Variants in MS4A4A observed in about 807,000 individuals in gnomAD.
The protein encoded by MS4A4A is membrane spanning 4-domains A4A.
MS4A4A carries 26 observed loss-of-function variants against 28.0 expected under a neutral mutation model. The observed-to-expected ratio is 0.93, with a 90% CI of 0.68 to 1.29. MS4A4A has a LOEUF of 1.29. MS4A4A is among the 50% of genes most tolerant of loss of function. The pLI is 0.00. For missense variants in MS4A4A, 290 were observed against 293.1 expected, an observed-to-expected ratio of 0.99 and a Z score of 0.08; for synonymous variants, 86 against 100.8, an observed-to-expected ratio of 0.85 and a Z score of 0.88.
intron 1 of MS4A4A, among the ~76,000 whole-genome samples, chr11:60,286,671 G>A (rs926407195): frequency 1.3e-5 from 2 of 152,162 alleles, no homozygotes; most frequent in African/African-American, 4.8e-5. Flanking sequence ...TTGACTTGAA[G>A]TTTATTTTAC....
intron 2 of MS4A4A, among the ~76,000 whole-genome samples, chr11:60,295,535 A>G (rs554406922): frequency 6.6e-6 from 1 of 152,166 alleles, no homozygotes; most frequent in East Asian, 1.9e-4. Context: ...TGTTGAAAGG[A>G]GTAGTGACAG....
intron 4 of MS4A4A, among the ~76,000 whole-genome samples, chr11:60,302,217 A>T (rs2084958238): frequency 1.3e-5 from 2 of 152,242 alleles, no homozygotes; most frequent in South Asian, 2.1e-4. Context: ...TAGAAAAATG[A>T]TAAGAAATCA....
At chr11:60,307,974 C>A in intron 6 of MS4A4A, 133 bp from the exon 7 acceptor site, 1 of 805,576 alleles carries the variant, frequency 1.2e-6, no homozygotes. Flanking sequence ...TGAGAAACCC[C>A]ACATACTTGA....
intron 1 of MS4A4A, chr11:60,290,295 T>A (rs2084843814): frequency 5.9e-6 from 1 of 169,186 alleles, no homozygotes; most frequent in African/African-American, 2.4e-5. Context: ...ATAAGTATAC[T>A]CTGAAATCTG....
At position 60,308,218 on chromosome 11, in the gene MS4A4A, A is replaced by C; in HGVS notation, c.*40A>C. The C allele has an allele frequency of 6.3e-7, 1 of 1,584,462 alleles. No individual in the cohort carries two copies. The highest frequency in any genetic ancestry group is 8.7e-7 in the Non-Finnish European group (1 of 1,153,478). ...CAACAGACAAATGCTCCAGAAATCT[A>C]TGCTGACTGTGACACAAGAGCCTCA... is the stretch of plus-strand genomic sequence containing the variant. On this transcript the variant is annotated 3_prime_UTR_variant, in exon 7 of 7. Coordinates refer to ENST00000337908, the MANE Select transcript of MS4A4A (RefSeq NM_148975.3).
chr11:60,297,018 T>C, intron 2 of MS4A4A, 179 bp from the exon 3 acceptor site: 1 of 725,638 alleles, frequency 1.4e-6, no homozygotes, highest in Non-Finnish European at 2.2e-6. Flanking sequence ...CGAGAGATAA[T>C]ATTGGTAAGA....
At position 60,292,345 on chromosome 11, in the gene MS4A4A, G is replaced by A. The variant is rs1172567797; in HGVS notation, c.162G>A (p.Leu54=). 1 of 1,606,996 alleles carries A rather than the reference G, an allele frequency of 6.2e-7. No homozygotes were observed. The highest frequency in any genetic ancestry group is 8.5e-7 in the Non-Finnish European group (1 of 1,177,268). ...TACATTCACATCTGTGGAAAGGATTGCAAGAGAAGTTCTTGAAGGGAGAAC... is the reference window on the plus strand; with the variant it reads ...TACATTCACATCTGTGGAAAGGATTACAAGAGAAGTTCTTGAAGGGAGAAC... ...AVIHSHLWKG[L]QEKFLKGEPK... is the part of the protein sequence containing the mutation. The change falls in exon 2 of 7, where the codon TTG becomes TTA. Residue 54 remains leucine (L), a synonymous_variant. Coordinates refer to ENST00000337908, the MANE Select transcript of MS4A4A (RefSeq NM_148975.3).
At chr11:60,306,342 G>C in intron 6 of MS4A4A, 141 bp downstream of exon 6, 1 of 717,514 alleles carries the variant, frequency 1.4e-6, no homozygotes, top group Non-Finnish European at 2.3e-6. Context: ...CCCAGCTGAA[G>C]TATGTCCTTG....
rs759755074 is a variant in MS4A4A at position 60,292,243 on chromosome 11, G to A, written c.60G>A (p.Met20Ile). 6.4e-7 allele frequency: 1 copy of A among 1,559,188 alleles called. No homozygotes were observed. The highest frequency in any genetic ancestry group is 1.7e-4 in the Middle Eastern group (1 of 5,830). ...ATTGTAGCACCTTTTCTGCTGCCAT[G>A]ACAACCATGCAAGGAATGGAACAGG... ...RPEESTFSAAMTTMQGMEQAM... is the reference protein window; with the variant it reads ...RPEESTFSAAITTMQGMEQAM... The change falls in exon 2 of 7, where the codon ATG (methionine) becomes ATA (isoleucine). Residue 20 changes from methionine (M) to isoleucine (I), a missense_variant. Met to Ile is a conservative substitution (Grantham distance 10). Transcript: ENST00000337908.
At chr11:60,300,796 C>G (rs961132155) in intron 3 of MS4A4A, among the ~76,000 whole-genome samples, 1 of 152,014 alleles carries the variant, frequency 6.6e-6, no homozygotes, top group African/African-American at 2.4e-5. Flanking sequence ...ATTTGAAAAA[C>G]TTGATAAATT....
Position 60,308,356 on chromosome 11 carries a change from A to C in MS4A4A, c.*178A>C, listed in dbSNP as rs1340618980. 7 of 533,552 alleles carry C rather than the reference A, an allele frequency of 1.3e-5. No individual in the cohort carries two copies. The highest frequency in any genetic ancestry group is 2.2e-5 in the Non-Finnish European group (7 of 314,374). 33.1% of individuals were successfully genotyped at this position (533,552 alleles called of 1,614,324 possible). On this transcript the variant is annotated 3_prime_UTR_variant, in exon 7 of 7. Coordinates refer to ENST00000337908, the MANE Select transcript of MS4A4A (RefSeq NM_148975.3). Reference sequence around the variant, plus strand: ...ATAGAGAGATAATAAATTCAAAATTATGTTCTCATTTTTTTCCCTGGAACT... The same window carrying C: ...ATAGAGAGATAATAAATTCAAAATTCTGTTCTCATTTTTTTCCCTGGAACT...
intron 6 of MS4A4A, among the ~76,000 whole-genome samples, chr11:60,307,876 C>T (rs182018711): frequency 1.4e-4 from 22 of 152,198 alleles, no homozygotes; most frequent in Admixed American, 2.0e-4. Context: ...GATCCACTTG[C>T]GAGACCAGAG....
chr11:60,292,158 C>T (rs2084862544), intron 1 of MS4A4A, 67 bp from the exon 2 acceptor site: 1 of 1,466,452 alleles, frequency 6.8e-7, no homozygotes. Flanking sequence ...GAGGAACCTG[C>T]CCCAAAGTGT....
intron 2 of MS4A4A, 25 bp downstream of exon 2, chr11:60,292,409 C>G (rs761604590): frequency 1.2e-5 from 19 of 1,561,852 alleles, no homozygotes; most frequent in Non-Finnish European, 1.6e-5. Flanking sequence ...TAGGGGAAGA[C>G]CAATGGTGTT....
At chr11:60,286,785 C>G (rs532536860) in intron 1 of MS4A4A, among the ~76,000 whole-genome samples, 1 of 152,322 alleles carries the variant, frequency 6.6e-6, no homozygotes, top group African/African-American at 2.4e-5. Flanking sequence ...AAGTGAGTCT[C>G]TTACAGCATC....
chr11:60,288,010 A>G lies in MS4A4A; in HGVS notation c.42-4215A>G, dbSNP rs79599330. 8.0e-3 allele frequency among the ~76,000 whole-genome samples: 1,223 copies of G among 152,244 alleles called. 18 individuals carry two copies. The highest frequency in any genetic ancestry group is 0.028 in the African/African-American group (1,169 of 41,532). On this transcript the variant is annotated intron_variant, in intron 1 of 6. Transcript: ENST00000337908. ...CTTTGCTGGGCTCAGTCCATGCTTCAGCTCTGTTAGGTTGGCGTTGCATGC... is the reference window on the plus strand; with the variant it reads ...CTTTGCTGGGCTCAGTCCATGCTTCGGCTCTGTTAGGTTGGCGTTGCATGC...
intron 3 of MS4A4A, among the ~76,000 whole-genome samples, chr11:60,299,104 A>G (rs2084928928): frequency 6.6e-6 from 1 of 152,232 alleles, no homozygotes; most frequent in African/African-American, 2.4e-5. Context: ...AAATACACAG[A>G]CATACATACA....
intron 2 of MS4A4A, among the ~76,000 whole-genome samples, chr11:60,295,629 CA>C (rs1178569110): frequency 3.9e-5 from 6 of 152,038 alleles, no homozygotes; most frequent in Admixed American, 3.9e-4. Context: ...AGGTTTTTCA[CA>C]AATATTCTTT....
In MS4A4A at chr11:60,292,245, C is replaced by T. The variant is rs767663842; in HGVS notation, c.62C>T (p.Thr21Ile). 5 of 1,560,478 alleles carry T rather than the reference C, an allele frequency of 3.2e-6. No homozygotes were observed. The East Asian group carries it at 1.2e-4, about 37-fold the overall frequency. Residue 21 changes from threonine to isoleucine, a missense_variant, in exon 2 of 7, where the codon ACA (threonine) becomes ATA (isoleucine). Transcript: ENST00000337908. ...TGTAGCACCTTTTCTGCTGCCATGA[C>T]AACCATGCAAGGAATGGAACAGGCC... ...PEESTFSAAM[T>I]TMQGMEQAMP...
Sources: gnomAD v4.1 joint callset for allele counts (sites outside exome capture counted in the v4.1 genomes callset) on GRCh38, gnomAD v4.1.1 for gene constraint, MANE v1.5 for transcripts, NCBI Gene and HGNC (gene_info 2026-07-23, HGNC 2026-07-21) for gene names.